Variants in PRPH2 observed in about 807,000 individuals in gnomAD.
The protein encoded by PRPH2 is peripherin-2.
A neutral mutation model predicts 31.3 loss-of-function variants in PRPH2; 17 were observed. The ratio of observed to expected loss-of-function variants is 0.54; its 90% CI spans 0.37 to 0.81. PRPH2 has a LOEUF of 0.81. PRPH2 is among the 40% of genes least tolerant of loss of function. The pLI is 0.00. For missense variants in PRPH2, 430 were observed against 439.7 expected (o/e 0.98, Z 0.20); for synonymous variants, 165 against 184.4 (o/e 0.89, Z 0.85).
At chr6:42,703,652 G>C (rs1434363666) in intron 2 of PRPH2, among the ~76,000 whole-genome samples, 1 of 152,216 alleles carries the variant, frequency 6.6e-6, no homozygotes, top group African/African-American at 2.4e-5. Flanking sequence ...CCAGGGGCTG[G>C]AGGGCAGGTT....
Position 42,722,048 on chromosome 6 carries a change from G to A in PRPH2, c.287C>T (p.Pro96Leu), listed in dbSNP as rs1167627551. The change falls in exon 1 of 3, where the codon CCC (proline) becomes CTC (leucine). Residue 96 changes from proline to leucine, a missense_variant. Pro to Leu is a moderately conservative substitution (Grantham distance 98). Transcript: ENST00000230381. This position sits in a 1 kb window ranked among gnomAD's most constrained non-coding sequence, Gnocchi z 4.4. ...LDPAKYARWKPWLKPYLAICV... is the reference protein window; with the variant it reads ...LDPAKYARWKLWLKPYLAICV... ...GATAGCCAGGTACGGCTTCAGCCAG[G>A]GCTTCCATCTGGCATACTTGGCTGG... The A allele has an allele frequency of 6.2e-7, 1 of 1,614,170 alleles. No homozygotes were observed. Among genetic ancestry groups the A allele is most frequent in the Non-Finnish European group, 8.5e-7 (1 of 1,180,028 alleles).
At chr6:42,703,983 C>T (rs1213413892) in intron 2 of PRPH2, among the ~76,000 whole-genome samples, 1 of 151,892 alleles carries the variant, frequency 6.6e-6, no homozygotes, top group African/African-American at 2.4e-5. Flanking sequence ...TGCCTGTAGT[C>T]CCAGCTATCG....
chr6:42,716,751 G>T (rs1402723839), intron 1 of PRPH2, among the ~76,000 whole-genome samples: 1 of 150,210 alleles, frequency 6.7e-6, no homozygotes, highest in Non-Finnish European at 1.5e-5. Flanking sequence ...CTCCCAAGTA[G>T]CTGGGATTAT....
At chr6:42,704,321 G>C (rs774037962) in intron 2 of PRPH2, 44 bp downstream of exon 2, 2 of 1,590,246 alleles carry the variant, frequency 1.3e-6, no homozygotes, top group Non-Finnish European at 1.7e-6. Context: ...AAATGGGACC[G>C]GAGGCTCTCC....
At chr6:42,702,341 G>A (rs932697715) in intron 2 of PRPH2, among the ~76,000 whole-genome samples, 2 of 152,000 alleles carry the variant, frequency 1.3e-5, no homozygotes, top group African/African-American at 4.8e-5. Context: ...GGATGCACTG[G>A]CTGATAGCAT....
chr6:42,705,599 A>ATATATATATATAT (rs1317305870), intron 1 of PRPH2, among the ~76,000 whole-genome samples: 3 of 21,486 alleles, frequency 1.4e-4, no homozygotes, highest in Admixed American at 6.4e-4. Flanking sequence ...AAAAAAAAAA[A>ATATATATATATAT]ATATATATAT....
Position 42,704,574 on chromosome 6 carries a change from C to T in PRPH2, c.619G>A (p.Asp207Asn). 6 of 1,614,176 alleles carry T rather than the reference C, an allele frequency of 3.7e-6. No individual in the cohort carries two copies. Among genetic ancestry groups the T allele is most frequent in the Non-Finnish European group, 5.1e-6 (6 of 1,180,044 alleles). The change falls in exon 2 of 3, where the codon GAC (aspartate) becomes AAC (asparagine). Residue 207 changes from aspartate (D) to asparagine (N), a missense_variant. Asp to Asn is a conservative substitution (Grantham distance 23, BLOSUM62 1). Coordinates refer to ENST00000230381, the MANE Select transcript of PRPH2 (RefSeq NM_000322.5). The stretch of plus-strand genomic sequence containing the variant: ...TTGCAGCAGCTGAAAGGGACGCCGT[C>T]CACCAGGTACCGCCCATCCACGTTG... ...KSNVDGRYLV[D>N]GVPFSCCNPS... is the part of the protein sequence containing the mutation.
intron 1 of PRPH2, 77 bp downstream of exon 1, chr6:42,721,677 A>G: frequency 1.3e-6 from 2 of 1,540,994 alleles, no homozygotes; most frequent in Admixed American, 1.7e-5. Context: ...GTGCGGGGAG[A>G]GGGGCTGGTC....
At chr6:42,703,668 G>T (rs1007503830) in intron 2 of PRPH2, among the ~76,000 whole-genome samples, 33 of 152,312 alleles carry the variant, frequency 2.2e-4, no homozygotes, top group Non-Finnish European at 3.8e-4. Flanking sequence ...AGGTTGGGAG[G>T]TGGTGACTGC....
chr6:42,698,529 T>C (rs1203740662), intron 2 of PRPH2, 22 bp from the exon 3 acceptor site: 15 of 1,613,836 alleles, frequency 9.3e-6, no homozygotes, highest in Middle Eastern at 3.3e-4. Context: ...AGAGGAGATT[T>C]AGAGGCAATC....
intron 1 of PRPH2, among the ~76,000 whole-genome samples, chr6:42,717,952 GC>G (rs1761820834): frequency 6.6e-6 from 1 of 152,224 alleles, no homozygotes; most frequent in East Asian, 1.9e-4. Flanking sequence ...CATCACTTGA[GC>G]CCAGAAGTTA....
chr6:42,719,237 C>A (rs962323205), intron 1 of PRPH2, among the ~76,000 whole-genome samples: 1 of 150,442 alleles, frequency 6.6e-6, no homozygotes, highest in Non-Finnish European at 1.5e-5. Flanking sequence ...GGCAAGATCT[C>A]GGCTCACTGC....
chr6:42,699,047 C>CT (rs759173553), intron 2 of PRPH2, among the ~76,000 whole-genome samples: 263 of 38,514 alleles, frequency 6.8e-3, no homozygotes, highest in Non-Finnish European at 0.017. Context: ...TGTGGTACTT[C>CT]TTTTTTTTTT....
At chr6:42,711,052 G>A (rs1008116226) in intron 1 of PRPH2, among the ~76,000 whole-genome samples, 1 of 152,202 alleles carries the variant, frequency 6.6e-6, no homozygotes, top group Non-Finnish European at 1.5e-5. Flanking sequence ...TTTTTGTGTA[G>A]TGCTGTGGTT....
At chr6:42,721,137 G>C (rs926153522) in intron 1 of PRPH2, among the ~76,000 whole-genome samples, 13 of 152,152 alleles carry the variant, frequency 8.5e-5, no homozygotes, top group African/African-American at 2.4e-4. Context: ...TCATTTAAAA[G>C]ATGGGCAAGC....
intron 1 of PRPH2, chr6:42,711,679 G>T: frequency 1.2e-6 from 1 of 865,654 alleles, no homozygotes; most frequent in Non-Finnish European, 1.4e-6. Flanking sequence ...CCGTCTGAGA[G>T]GGGAGAAACC....
At chr6:42,720,665 CT>C (rs1213878688) in intron 1 of PRPH2, among the ~76,000 whole-genome samples, 1 of 152,158 alleles carries the variant, frequency 6.6e-6, no homozygotes, top group Non-Finnish European at 1.5e-5. Context: ...TGCCAATGCC[CT>C]GAGTTCAAGT....
At chr6:42,714,216 A>T (rs561445105) in intron 1 of PRPH2, among the ~76,000 whole-genome samples, 1 of 152,312 alleles carries the variant, frequency 6.6e-6, no homozygotes, top group South Asian at 2.1e-4. Flanking sequence ...TTTTGAAAAC[A>T]CTATGCTAAG....
chr6:42,698,737 T>A (rs433286), intron 2 of PRPH2, among the ~76,000 whole-genome samples: 1 of 151,906 alleles, frequency 6.6e-6, no homozygotes, highest in Non-Finnish European at 1.5e-5. Context: ...TTTCCAGCCA[T>A]CCTGGGCTGC....
Sources: allele counts gnomAD v4.1 joint callset (sites outside exome capture counted in the v4.1 genomes callset), GRCh38; gene constraint gnomAD v4.1.1; non-coding constraint Gnocchi (gnomAD v3.1); transcripts MANE v1.5; gene names NCBI Gene and HGNC (gene_info 2026-07-23, HGNC 2026-07-21).